Variants in NLRP14 observed in about 807,000 individuals in gnomAD.
NLRP14 encodes NACHT, LRR and PYD domains-containing protein 14.
A neutral mutation model predicts 94.7 loss-of-function variants in NLRP14; 105 were observed. That is an observed-to-expected ratio of 1.11 (90% confidence interval 0.95 to 1.30). The LOEUF is 1.30. Ranked by LOEUF, NLRP14 falls within the 50% of genes most tolerant of loss-of-function variation. The probability of loss-of-function intolerance (pLI) is 0.00; values close to 1 mark genes in which losing one functional copy is unlikely to be tolerated. For missense variants in NLRP14, 1,362 were observed against 1,254.1 expected (o/e 1.09, Z -1.30); for synonymous variants, 508 against 459.9 (o/e 1.10, Z -1.34).
Position 7,038,767 on chromosome 11 carries a change from T to A in NLRP14, c.181T>A (p.Leu61Met). 1.2e-6 allele frequency: 2 copies of A among 1,613,552 alleles called. No homozygotes were observed. Among genetic ancestry groups the A allele is most frequent in the Non-Finnish European group, 1.7e-6 (2 of 1,179,874 alleles). The change falls in exon 2 of 12, where the codon TTG becomes ATG. Residue 61 changes from leucine to methionine, a missense_variant. Physicochemically the swap from Leu to Met is conservative, Grantham distance 15 (BLOSUM62 2). Coordinates refer to ENST00000299481, the MANE Select transcript of NLRP14 (RefSeq NM_176822.4). The stretch of plus-strand genomic sequence containing the variant: ...GGCCAGGCGGGAGGACCTGGCCAAT[T>A]TGATGAAGAAATATTATCCAGGAGA... ...KKARREDLAN[L>M]MKKYYPGEKA...
rs1015073550 is a variant in NLRP14, at chr11:7,057,791, A to G, written c.2406A>G (p.Gly802=). 6 of 1,612,328 alleles carry G rather than the reference A, an allele frequency of 3.7e-6. No individual in the cohort carries two copies. Among genetic ancestry groups the G allele is most frequent in the African/African-American group, 2.7e-5 (2 of 74,864 alleles). The part of the protein sequence containing the change: ...NLSTNNLLDD[G]VQLLCEALRH... ...CAACCAATAATCTGTTGGATGATGGAGTGCAGCTTTTGTGTGAGGCCTTAA... is the reference window on the plus strand; with the variant it reads ...CAACCAATAATCTGTTGGATGATGGGGTGCAGCTTTTGTGTGAGGCCTTAA... The change falls in exon 7 of 12, where the codon GGA becomes GGG. Residue 802 remains glycine, a synonymous_variant. Transcript: ENST00000299481.
At position 7,049,712 on chromosome 11, in the gene NLRP14, C is replaced by G; in HGVS notation, c.2165C>G (p.Ser722Cys). The change falls in exon 6 of 12, where the codon TCT becomes TGT. Residue 722 changes from serine to cysteine, a missense_variant. By Grantham distance (112) the Ser-to-Cys change is moderately radical. Coordinates refer to ENST00000299481, the MANE Select transcript of NLRP14 (RefSeq NM_176822.4). The stretch of plus-strand genomic sequence containing the variant: ...TTCCCTGATGGTTGTCAGGATATCT[C>G]TACTTCTTTGATTCATAACAAGAAT... ...ITFPDGCQDI[S>C]TSLIHNKNLM... 6.2e-7 allele frequency: 1 copy of G among 1,612,732 alleles called. No homozygotes were observed. The highest frequency in any genetic ancestry group is 8.5e-7 in the Non-Finnish European group (1 of 1,178,788).
chr11:7,049,352 A>G (rs1235401127), intron 5 of NLRP14, among the ~76,000 whole-genome samples: 3 of 152,186 alleles, frequency 2.0e-5, no homozygotes, highest in Non-Finnish European at 4.4e-5. Context: ...AGATTTGGCT[A>G]TTGTGAATTA....
intron 6 of NLRP14, among the ~76,000 whole-genome samples, chr11:7,053,095 G>T (rs1304818191): frequency 1.3e-5 from 2 of 152,164 alleles, no homozygotes; most frequent in Non-Finnish European, 2.9e-5. Context: ...TTATGAGACA[G>T]TATATTGATT....
chr11:7,090,270 G>T, the NLRP14 span: 6 of 1,605,144 alleles, frequency 3.7e-6, no homozygotes, highest in South Asian at 5.6e-5. Context: ...AGGCCGCTTG[G>T]AGAGAGGAGG....
intron 1 of NLRP14, among the ~76,000 whole-genome samples, chr11:7,031,489 G>A (rs942071151): frequency 5.9e-5 from 9 of 152,180 alleles, no homozygotes; most frequent in African/African-American, 1.9e-4. Context: ...TGGAGACCTA[G>A]TGTGGCCTGT....
chr11:7,089,721 C>G, the NLRP14 span: 1 of 1,530,100 alleles, frequency 6.5e-7, no homozygotes, highest in Admixed American at 2.0e-5. Flanking sequence ...GCCGCTGCCC[C>G]CGCGCCGCGA....
Position 7,049,686 on chromosome 11 carries a change from T to C in NLRP14, c.2139T>C (p.Thr713=). 4.3e-6 allele frequency: 7 copies of C among 1,612,510 alleles called. No homozygotes were observed. Among genetic ancestry groups the C allele is most frequent in the Non-Finnish European group, 5.9e-6 (7 of 1,178,550 alleles). The part of the protein sequence containing the change: ...KLQKLLLKFI[T]FPDGCQDIST... ...TCTTCTGAAGGTTGAAATTTATCAC[T>C]TTCCCTGATGGTTGTCAGGATATCT... is the stretch of plus-strand genomic sequence containing the variant. The change falls in exon 6 of 12, where the codon ACT becomes ACC. Residue 713 remains threonine (T), a synonymous_variant. Coordinates refer to ENST00000299481, the MANE Select transcript of NLRP14 (RefSeq NM_176822.4).
At chr11:7,087,473 G>A in the NLRP14 span, among the ~76,000 whole-genome samples, 1 of 152,156 alleles carries the variant, frequency 6.6e-6, no homozygotes, top group Non-Finnish European at 1.5e-5. Context: ...ATTGTGCCAG[G>A]AGAGCATATC....
At chr11:7,046,971 A>G in intron 5 of NLRP14, 139 bp downstream of exon 5, 1 of 731,176 alleles carries the variant, frequency 1.4e-6, no homozygotes, top group Non-Finnish European at 2.4e-6. Flanking sequence ...GAACAATGGA[A>G]TCCTCTGGGG....
At chr11:7,035,618 A>G (rs1201677190) in intron 1 of NLRP14, among the ~76,000 whole-genome samples, 2 of 152,184 alleles carry the variant, frequency 1.3e-5, no homozygotes, top group African/African-American at 4.8e-5. Flanking sequence ...CGACCAAGAA[A>G]GGAAATCAAT....
chr11:7,051,836 T>G (rs1425666227), intron 6 of NLRP14, among the ~76,000 whole-genome samples: 1 of 152,202 alleles, frequency 6.6e-6, no homozygotes, highest in Non-Finnish European at 1.5e-5. Context: ...TTGGCCAGGA[T>G]GGTCTCGATC....
In NLRP14 at chr11:7,058,388, T is replaced by A; in HGVS notation, c.2571T>A (p.Asp857Glu). Residue 857 changes from aspartate to glutamate, a missense_variant, in exon 8 of 12, where the codon GAT (aspartate) becomes GAA (glutamate). By Grantham distance (45) the Asp-to-Glu change is conservative (BLOSUM62 2). Coordinates refer to ENST00000299481, the MANE Select transcript of NLRP14 (RefSeq NM_176822.4). ...GCTTGGCAGACAATGTCTTGGGTGA[T>A]GGTGGAGTAAAGCTTATGAGTGATG... ...HLCLADNVLG[D>E]GGVKLMSDAL... The A allele has an allele frequency of 6.2e-7, 1 of 1,612,888 alleles. No homozygotes were observed. Among genetic ancestry groups the A allele is most frequent in the Non-Finnish European group, 8.5e-7 (1 of 1,179,038 alleles).
At chr11:7,090,442 T>G in the NLRP14 span, 1 of 1,127,490 alleles carries the variant, frequency 8.9e-7, no homozygotes, top group Non-Finnish European at 1.3e-6. Flanking sequence ...TCGTCTCCAT[T>G]TTTATGCTTT....
At chr11:7,065,768 G>C (rs1226561082) in intron 10 of NLRP14, among the ~76,000 whole-genome samples, 2 of 151,946 alleles carry the variant, frequency 1.3e-5, no homozygotes, top group Non-Finnish European at 2.9e-5. Context: ...GTGCAGGTTT[G>C]TTACATAGGT....
chr11:7,028,011 G>A (rs1852038560), intron 1 of NLRP14, among the ~76,000 whole-genome samples: 1 of 152,058 alleles, frequency 6.6e-6, no homozygotes. Context: ...CTTCTAAACA[G>A]TAGAGTGATT....
chr11:7,050,130 C>G (rs1388556686), intron 6 of NLRP14, among the ~76,000 whole-genome samples: 2 of 152,192 alleles, frequency 1.3e-5, no homozygotes, highest in African/African-American at 4.8e-5. Context: ...TTTAACACTT[C>G]TAATATTTAA....
intron 10 of NLRP14, among the ~76,000 whole-genome samples, chr11:7,066,101 T>C (rs1214717585): frequency 1.3e-5 from 2 of 152,208 alleles, no homozygotes; most frequent in Non-Finnish European, 1.5e-5. Context: ...CTTTATCCAG[T>C]CTATCATTGA....
intron 3 of NLRP14, among the ~76,000 whole-genome samples, chr11:7,041,019 A>G (rs1002631183): frequency 2.6e-5 from 4 of 152,216 alleles, no homozygotes; most frequent in African/African-American, 9.6e-5. Context: ...TATTATGGGA[A>G]CTTTGGAAAA....
Sources: allele counts gnomAD v4.1 joint callset (sites outside exome capture counted in the v4.1 genomes callset), GRCh38; gene constraint gnomAD v4.1.1; transcripts MANE v1.5; gene names NCBI Gene and HGNC (gene_info 2026-07-23, HGNC 2026-07-21).